Variants in DIAPH2 observed in about 807,000 individuals in gnomAD.
DIAPH2 encodes the protein diaphanous related formin 2.
In DIAPH2, 35 loss-of-function variants were observed where a neutral mutation model predicts 92.7. The ratio of observed to expected loss-of-function variants is 0.38; its 90% CI spans 0.29 to 0.50. The LOEUF (loss-of-function observed/expected upper bound fraction) is 0.50, where lower values mean the gene tolerates loss of function less well. Among genes scored for constraint, DIAPH2 ranks in the 20% least tolerant of loss-of-function variants. The pLI is 0.94. For synonymous variants in DIAPH2, 301 were observed against 280.4 expected, an observed-to-expected ratio of 1.07 and a Z score of -0.73; for missense variants, 701 against 819.5, an observed-to-expected ratio of 0.86 and a Z score of 1.77.
intron 22 of DIAPH2, among the ~76,000 whole-genome samples, chrX:97,208,065 A>C (rs111260242): frequency 0.01 from 1,156 of 111,595 alleles, 21 homozygotes; most frequent in African/African-American, 0.036. Context: ...TGAACCTGGG[A>C]GGCAGAGGTT....
chrX:97,510,002 A>G (rs1228370639), intron 26 of DIAPH2, among the ~76,000 whole-genome samples: 1 of 111,218 alleles, frequency 9.0e-6, no homozygotes, highest in Non-Finnish European at 1.9e-5. Context: ...AGCATGATTT[A>G]TAGTCCTTTG....
At chrX:97,196,019 T>C (rs903318715) in intron 22 of DIAPH2, among the ~76,000 whole-genome samples, 37 of 111,611 alleles carry the variant, frequency 3.3e-4, no homozygotes, top group African/African-American at 1.2e-3. Flanking sequence ...AAGATTTAAT[T>C]GCAATAAATG....
chrX:97,534,209 C>A (rs908151580), intron 26 of DIAPH2, among the ~76,000 whole-genome samples: 8 of 111,221 alleles, frequency 7.2e-5, no homozygotes, highest in African/African-American at 2.3e-4. Flanking sequence ...CTTTGCTTTT[C>A]CATCTCTTTA....
intron 25 of DIAPH2, among the ~76,000 whole-genome samples, chrX:97,412,871 G>A (rs1308505033): frequency 3.6e-5 from 4 of 111,975 alleles, no homozygotes; most frequent in African/African-American, 1.3e-4. Flanking sequence ...TTGAATCTCT[G>A]AATAGACCAA....
chrX:96,714,341 C>T (rs190353164), intron 1 of DIAPH2, among the ~76,000 whole-genome samples: 2 of 106,005 alleles, frequency 1.9e-5, no homozygotes, highest in Non-Finnish European at 3.9e-5. Flanking sequence ...CTCGGCTCAC[C>T]GCAACCTACA....
At chrX:96,912,223 T>A in intron 5 of DIAPH2, 105 bp from the exon 6 acceptor site, 1 of 659,439 alleles carries the variant, frequency 1.5e-6, no homozygotes, top group Non-Finnish European at 2.3e-6. Context: ...ACAAGCAATA[T>A]TGAGACAGAA....
chrX:96,932,228 A>G (rs1018996641), intron 10 of DIAPH2, among the ~76,000 whole-genome samples: 1 of 110,738 alleles, frequency 9.0e-6, no homozygotes, highest in East Asian at 2.8e-4. Flanking sequence ...AGGGCTCTGT[A>G]GCATCCTCTA....
intron 17 of DIAPH2, among the ~76,000 whole-genome samples, chrX:97,055,759 A>G (rs1223288636): frequency 8.9e-6 from 1 of 111,934 alleles, no homozygotes; most frequent in African/African-American, 3.2e-5. Flanking sequence ...CAGACTAGTC[A>G]GAAGCATAGG....
chrX:96,955,231 C>A (rs765663025), intron 15 of DIAPH2, among the ~76,000 whole-genome samples: 24 of 111,422 alleles, frequency 2.2e-4, no homozygotes, highest in Non-Finnish European at 4.1e-4. Flanking sequence ...ATGGCAGCAG[C>A]AAGGAGAAGT....
chrX:97,251,462 TCACTCTGTAAC>T, intron 23 of DIAPH2, among the ~76,000 whole-genome samples: 1 of 106,875 alleles, frequency 9.4e-6, no homozygotes, highest in Admixed American at 1.0e-4. Context: ...AGACGGAGCC[TCACTCTGTAAC>T]CCAGGTTGGA....
At chrX:96,953,157 C>T (rs1602658963) in intron 15 of DIAPH2, among the ~76,000 whole-genome samples, 1 of 110,970 alleles carries the variant, frequency 9.0e-6, no homozygotes, top group East Asian at 2.8e-4. Context: ...GGACACTATC[C>T]CAAGAAATTT....
chrX:97,020,363 C>A (rs1197524251), intron 17 of DIAPH2, among the ~76,000 whole-genome samples: 1 of 111,987 alleles, frequency 8.9e-6, no homozygotes, highest in East Asian at 2.8e-4. Context: ...ATTAACAATA[C>A]ATTAGTCCTC....
intron 25 of DIAPH2, among the ~76,000 whole-genome samples, chrX:97,404,642 CT>C (rs2069790913): frequency 8.9e-6 from 1 of 111,805 alleles, no homozygotes; most frequent in African/African-American, 3.2e-5. Flanking sequence ...TTACCATATG[CT>C]TGTGTCATAT....
intron 22 of DIAPH2, among the ~76,000 whole-genome samples, chrX:97,161,693 T>A (rs1042439292): frequency 3.6e-5 from 4 of 112,018 alleles, no homozygotes; most frequent in African/African-American, 9.7e-5. Context: ...AGTGATTTAA[T>A]GAAAGTGCTA....
intron 2 of DIAPH2, 88 bp from the exon 3 acceptor site, chrX:96,738,498 T>C (rs1284936618): frequency 1.4e-6 from 1 of 734,992 alleles, no homozygotes; most frequent in Admixed American, 3.7e-5. Context: ...TGTATTATAC[T>C]AAGTGCCGTT....
At chrX:97,031,638 T>A (rs1039390964) in intron 17 of DIAPH2, among the ~76,000 whole-genome samples, 1 of 111,338 alleles carries the variant, frequency 9.0e-6, no homozygotes, top group African/African-American at 3.3e-5. Context: ...CTGTGCTGAA[T>A]GCTAGGGGTA....
At chrX:97,151,571 A>G (rs761710494) in intron 22 of DIAPH2, among the ~76,000 whole-genome samples, 19 of 110,588 alleles carry the variant, frequency 1.7e-4, no homozygotes, top group African/African-American at 6.2e-4. Context: ...AGAGCCACCA[A>G]CCACATTATG....
At chrX:97,518,063 A>G (rs2070962767) in intron 26 of DIAPH2, among the ~76,000 whole-genome samples, 1 of 112,173 alleles carries the variant, frequency 8.9e-6, no homozygotes, top group South Asian at 3.7e-4. Flanking sequence ...TGGCACTGGG[A>G]ATGCAATCTT....
In DIAPH2 at chrX:96,882,970, AAAAAAAAAAAAAACAAAAAAAC is replaced by A. The variant is rs1461676480; in HGVS notation, c.587+1258_587+1279del. On this transcript the variant is annotated intron_variant, in intron 5 of 26. Coordinates refer to ENST00000324765, the MANE Select transcript of DIAPH2 (RefSeq NM_006729.5). ...CGAGACCCTGTCTCCAAAAAAAAAA[AAAAAAAAAAAAAACAAAAAAAC>A]AAAAATCCGGGATCTATTTATGTAA... Among the ~76,000 whole-genome samples, 97 of 79,285 alleles carry A rather than the reference AAAAAAAAAAAAAACAAAAAAAC, an allele frequency of 1.2e-3. 3 individuals carry two copies. The highest frequency in any genetic ancestry group is 1.7e-3 in the Non-Finnish European group (58 of 34,989). 68.8% of individuals were successfully genotyped at this position (79,285 alleles called of 115,157 possible). A position where few individuals can be genotyped will look rare whatever the true frequency, so the allele number is the denominator to read the frequency against.
Sources: gnomAD v4.1 joint callset for allele counts (sites outside exome capture counted in the v4.1 genomes callset) on GRCh38, gnomAD v4.1.1 for gene constraint, MANE v1.5 for transcripts, NCBI Gene and HGNC (gene_info 2026-07-23, HGNC 2026-07-21) for gene names.